FER1L6: variants seen among roughly 807,000 people sequenced by gnomAD.
FER1L6 encodes fer-1 like family member 6, also known as fer-1-like protein 6.
Under a neutral mutation model 219.2 loss-of-function variants are expected in FER1L6, and 177 were observed. That is an observed-to-expected ratio of 0.81 (90% confidence interval 0.71 to 0.91). The LOEUF (loss-of-function observed/expected upper bound fraction) is 0.91. Ranked by LOEUF, FER1L6 falls within the 40% of genes least tolerant of loss-of-function variation. FER1L6 has a pLI of 0.00. For missense variants in FER1L6, 2,153 were observed against 2,259.9 expected, an observed-to-expected ratio of 0.95 and a Z score of 0.96; for synonymous variants, 768 against 824.3, an observed-to-expected ratio of 0.93 and a Z score of 1.17.
chr8:123,893,776 G>C (rs1180050091), intron 1 of FER1L6, among the ~76,000 whole-genome samples: 1 of 152,182 alleles, frequency 6.6e-6, no homozygotes, highest in Non-Finnish European at 1.5e-5. Context: ...ATTTAGTGTG[G>C]ATAATCAAGC....
intron 12 of FER1L6, among the ~76,000 whole-genome samples, chr8:124,000,278 T>C (rs190019109): frequency 3.3e-4 from 51 of 152,328 alleles, no homozygotes; most frequent in African/African-American, 1.2e-3. Context: ...CTTTAGGCAA[T>C]TCAAGACTGT....
intron 18 of FER1L6, among the ~76,000 whole-genome samples, chr8:124,023,989 C>T (rs539343128): frequency 3.0e-4 from 46 of 151,700 alleles, no homozygotes; most frequent in African/African-American, 8.2e-4. Flanking sequence ...CTCCGCCTCC[C>T]GGATTCAAGT....
intron 1 of FER1L6, among the ~76,000 whole-genome samples, chr8:123,902,089 T>C (rs533788048): frequency 1.3e-5 from 2 of 152,324 alleles, no homozygotes; most frequent in South Asian, 4.1e-4. Context: ...GGGCAGATTA[T>C]TTAATTTCCA....
intron 18 of FER1L6, among the ~76,000 whole-genome samples, chr8:124,034,734 G>A (rs1423796357): frequency 6.6e-6 from 1 of 152,170 alleles, no homozygotes; most frequent in Non-Finnish European, 1.5e-5. Context: ...TATGGAAGAA[G>A]TACTAGGATT....
chr8:124,071,467 G>T, intron 30 of FER1L6, 39 bp from the exon 31 acceptor site: 2 of 1,611,932 alleles, frequency 1.2e-6, no homozygotes, highest in South Asian at 1.1e-5. Flanking sequence ...TGGGACATAT[G>T]ACCATCTCAT....
At chr8:124,053,832 C>T (rs1439625010) in intron 22 of FER1L6, among the ~76,000 whole-genome samples, 1 of 152,142 alleles carries the variant, frequency 6.6e-6, no homozygotes, top group East Asian at 1.9e-4. Flanking sequence ...GCATTCCAGC[C>T]TGGGCAGGAG....
chr8:124,062,786 G>A (rs1820646065), intron 25 of FER1L6, among the ~76,000 whole-genome samples: 1 of 152,108 alleles, frequency 6.6e-6, no homozygotes, highest in Non-Finnish European at 1.5e-5. Context: ...GTACACCCAG[G>A]GGTGAGATGA....
At position 124,119,671 on chromosome 8, in the gene FER1L6, A is replaced by G; in HGVS notation, c.5455A>G (p.Lys1819Glu). The change falls in exon 41 of 41, where the codon AAG becomes GAG. Residue 1819 changes from lysine to glutamate, a missense_variant. By Grantham distance (56) the Lys-to-Glu change is moderately conservative (BLOSUM62 1). Coordinates refer to ENST00000522917, the MANE Select transcript of FER1L6 (RefSeq NM_001039112.2). Reference protein sequence around the residue: ...PFKCLYYLIWKNYKKYIIIAF... With the variant: ...PFKCLYYLIWENYKKYIIIAF... ...TAAGTGCCTGTACTACCTCATCTGG[A>G]AGAATTACAAAAAGTACATCATCAT... The G allele has an allele frequency of 6.2e-7, 1 of 1,613,656 alleles. No individual in the cohort carries two copies. Among genetic ancestry groups the G allele is most frequent in the East Asian group, 2.2e-5 (1 of 44,874 alleles).
intron 1 of FER1L6, among the ~76,000 whole-genome samples, chr8:123,897,908 C>G (rs1812773023): frequency 6.6e-6 from 1 of 152,144 alleles, no homozygotes; most frequent in African/African-American, 2.4e-5. Flanking sequence ...GACTACTCAA[C>G]TCAGCTGTTG....
At chr8:124,116,854 T>C (rs1823271106) in intron 39 of FER1L6, among the ~76,000 whole-genome samples, 1 of 152,224 alleles carries the variant, frequency 6.6e-6, no homozygotes, top group Non-Finnish European at 1.5e-5. Flanking sequence ...CCATGAGTTT[T>C]GGACTTATTT....
chr8:124,096,672 T>C (rs1822307878), intron 35 of FER1L6, among the ~76,000 whole-genome samples: 1 of 152,182 alleles, frequency 6.6e-6, no homozygotes, highest in Non-Finnish European at 1.5e-5. Flanking sequence ...TCAGATACAC[T>C]TTGTTGACTT....
At chr8:123,989,493 AT>A (rs1475226050) in intron 12 of FER1L6, among the ~76,000 whole-genome samples, 8 of 152,098 alleles carry the variant, frequency 5.3e-5, no homozygotes, top group Non-Finnish European at 8.8e-5. Flanking sequence ...GAAGTCTAGG[AT>A]TTTACTGCAC....
chr8:123,992,030 C>T (rs749629319), intron 12 of FER1L6, among the ~76,000 whole-genome samples: 14 of 151,990 alleles, frequency 9.2e-5, no homozygotes, highest in South Asian at 2.1e-4. Context: ...AAACCATTCC[C>T]GCATCCCTGG....
At chr8:123,870,694 G>T (rs181945844) in intron 1 of FER1L6, among the ~76,000 whole-genome samples, 3 of 152,174 alleles carry the variant, frequency 2.0e-5, no homozygotes, top group African/African-American at 7.2e-5. Flanking sequence ...ATGTTTTAGC[G>T]TGATGAAACT....
intron 22 of FER1L6, among the ~76,000 whole-genome samples, chr8:124,057,719 G>A (rs1202979354): frequency 6.6e-6 from 1 of 151,984 alleles, no homozygotes; most frequent in Admixed American, 6.6e-5. Context: ...GTCTCTCTGA[G>A]CTTTATTTTA....
intron 12 of FER1L6, among the ~76,000 whole-genome samples, chr8:123,995,512 T>G (rs1027742879): frequency 6.6e-6 from 1 of 152,198 alleles, no homozygotes; most frequent in African/African-American, 2.4e-5. Flanking sequence ...GCAATATGTG[T>G]TGTAATGTCT....
At chr8:123,867,354 G>A (rs932381121) in intron 1 of FER1L6, among the ~76,000 whole-genome samples, 4 of 152,184 alleles carry the variant, frequency 2.6e-5, no homozygotes, top group Non-Finnish European at 4.4e-5. Context: ...TGATTTTGTA[G>A]GGATGTCAAA....
chr8:123,958,453 C>T (rs2130145828), intron 2 of FER1L6, among the ~76,000 whole-genome samples: 1 of 152,254 alleles, frequency 6.6e-6, no homozygotes. Context: ...CTGACCCCAC[C>T]AGACTTCCTT....
chr8:123,996,568 T>C (rs985133555), intron 12 of FER1L6, among the ~76,000 whole-genome samples: 4 of 152,108 alleles, frequency 2.6e-5, no homozygotes, highest in Non-Finnish European at 5.9e-5. Context: ...GGACCTTGTG[T>C]TTTTATTTAT....
Sources: gnomAD v4.1 joint callset for allele counts (sites outside exome capture counted in the v4.1 genomes callset) on GRCh38, gnomAD v4.1.1 for gene constraint, MANE v1.5 for transcripts, NCBI Gene and HGNC (gene_info 2026-07-23, HGNC 2026-07-21) for gene names.